The following LOC400499 variants were observed in gnomAD, a reference collection of about 807,000 sequenced individuals.
At chr16:11,413,024 C>A in the LOC400499 span, 2 of 398,388 alleles carry the variant, frequency 5.0e-6, no homozygotes, top group African/African-American at 4.1e-5. Context: ...TGGGTGGGGA[C>A]CCCAGCCGAG....
At chr16:11,393,359 G>A in the LOC400499 span, 2 of 1,231,572 alleles carry the variant, frequency 1.6e-6, no homozygotes, top group Admixed American at 4.2e-5. Flanking sequence ...CCGTGGCCCA[G>A]CTAGCTGAGC....
At chr16:11,503,391 C>T in the LOC400499 span, among the ~76,000 whole-genome samples, 2 of 152,292 alleles carry the variant, frequency 1.3e-5, no homozygotes, top group Non-Finnish European at 2.9e-5. Flanking sequence ...CCTCCTGGTA[C>T]CCCTGAAGTC....
chr16:11,485,824 T>C, the LOC400499 span, among the ~76,000 whole-genome samples: 1 of 152,094 alleles, frequency 6.6e-6, no homozygotes, highest in Non-Finnish European at 1.5e-5. Flanking sequence ...GATGGATGGA[T>C]AATAGATGGA....
the LOC400499 span, among the ~76,000 whole-genome samples, chr16:11,426,309 G>A: frequency 2.0e-5 from 3 of 152,128 alleles, no homozygotes; most frequent in African/African-American, 7.2e-5. Flanking sequence ...GGTGGCGCAT[G>A]CCTGTCATCC....
At chr16:11,513,584 C>T in the LOC400499 span, among the ~76,000 whole-genome samples, 3 of 151,876 alleles carry the variant, frequency 2.0e-5, no homozygotes, top group Non-Finnish European at 4.4e-5. Flanking sequence ...GCGCCCACCA[C>T]TACTTCCAAC....
At chr16:11,491,005 G>A in the LOC400499 span, among the ~76,000 whole-genome samples, 81 of 152,280 alleles carry the variant, frequency 5.3e-4, no homozygotes, top group Middle Eastern at 3.4e-3. Flanking sequence ...TCACACATAT[G>A]GCACTTACTA....
chr16:11,440,128 G>A, the LOC400499 span, among the ~76,000 whole-genome samples: 2 of 152,146 alleles, frequency 1.3e-5, no homozygotes, highest in African/African-American at 4.8e-5. Context: ...GATGGGGACA[G>A]TGTCACCCAG....
chr16:11,483,495 C>T, the LOC400499 span, among the ~76,000 whole-genome samples: 14 of 152,044 alleles, frequency 9.2e-5, no homozygotes. Flanking sequence ...TATGTTATAA[C>T]CTATAGCATG....
At chr16:11,511,194 C>T in the LOC400499 span, among the ~76,000 whole-genome samples, 8 of 152,036 alleles carry the variant, frequency 5.3e-5, no homozygotes, top group Admixed American at 1.3e-4. Flanking sequence ...GATGGGGTTT[C>T]GTCACGTTGC....
chr16:11,450,554 A>G, the LOC400499 span: 4 of 1,509,168 alleles, frequency 2.7e-6, no homozygotes, highest in Non-Finnish European at 3.6e-6. Flanking sequence ...CTGCACCAGA[A>G]AAAGATCTCA....
At chr16:11,429,803 A>G in the LOC400499 span, among the ~76,000 whole-genome samples, 2 of 151,974 alleles carry the variant, frequency 1.3e-5, no homozygotes, top group Non-Finnish European at 2.9e-5. Context: ...AAAAAAAAAG[A>G]ATTAGAAAAA....
the LOC400499 span, among the ~76,000 whole-genome samples, chr16:11,519,265 C>T: frequency 6.6e-6 from 1 of 152,116 alleles, no homozygotes; most frequent in Non-Finnish European, 1.5e-5. Context: ...ATAGCACCAA[C>T]AAGAATATGT....
At chr16:11,458,041 A>C in the LOC400499 span, among the ~76,000 whole-genome samples, 1 of 152,118 alleles carries the variant, frequency 6.6e-6, no homozygotes, top group African/African-American at 2.4e-5. Flanking sequence ...TGTCTCTACG[A>C]AAAATACAAA....
chr16:11,513,269 G>C, the LOC400499 span, among the ~76,000 whole-genome samples: 14 of 151,916 alleles, frequency 9.2e-5, no homozygotes, highest in Non-Finnish European at 2.1e-4. Context: ...GCCAGGCATG[G>C]TGCTGTGCAC....
chr16:11,436,750 G>A, the LOC400499 span, among the ~76,000 whole-genome samples: 1 of 151,734 alleles, frequency 6.6e-6, no homozygotes, highest in African/African-American at 2.4e-5. Context: ...ACCATGCCCA[G>A]CTAATTTTTT....
At chr16:11,387,282 C>G in the LOC400499 span, 16 of 1,232,150 alleles carry the variant, frequency 1.3e-5, no homozygotes, top group Non-Finnish European at 3.0e-6. Flanking sequence ...AGCATCACCA[C>G]CACTGAGCGG....
chr16:11,497,206 T>C, the LOC400499 span, among the ~76,000 whole-genome samples: 6 of 152,216 alleles, frequency 3.9e-5, no homozygotes, highest in East Asian at 3.9e-4. Flanking sequence ...TGTGTGTGGG[T>C]TGTGTCCCAT....
At chr16:11,412,864 G>T in the LOC400499 span, 1 of 399,118 alleles carries the variant, frequency 2.5e-6, no homozygotes, top group Non-Finnish European at 4.4e-6. Context: ...TCTGGCCACG[G>T]ACGTCAAGGA....
chr16:11,391,447 C>G, the LOC400499 span, among the ~76,000 whole-genome samples: 2 of 152,184 alleles, frequency 1.3e-5, no homozygotes, highest in African/African-American at 4.8e-5. Flanking sequence ...CTTGGAGACT[C>G]TGTAAAAATG....
Sources: allele counts gnomAD v4.1 joint callset (sites outside exome capture counted in the v4.1 genomes callset), GRCh38; gene constraint gnomAD v4.1.1; transcripts MANE v1.5.